ABCA1: variants seen among roughly 807,000 people sequenced by gnomAD.
The protein encoded by ABCA1 is phospholipid-transporting ATPase ABCA1.
ABCA1 carries 133 observed loss-of-function variants against 262.5 expected under a neutral mutation model. The ratio of observed to expected loss-of-function variants is 0.51; its 90% CI spans 0.44 to 0.59. ABCA1 has a LOEUF of 0.59. Among genes scored for constraint, ABCA1 ranks in the 20% least tolerant of loss-of-function variants. ABCA1 has a pLI of 0.00. For missense variants in ABCA1, 2,452 were observed against 2,777.5 expected (o/e 0.88, Z 2.63); for synonymous variants, 1,022 against 1,043.5 (o/e 0.98, Z 0.40).
chr9:104,846,492 G>A (rs577749168), intron 7 of ABCA1, among the ~76,000 whole-genome samples: 14 of 152,346 alleles, frequency 9.2e-5, no homozygotes, highest in African/African-American at 3.4e-4. Flanking sequence ...AGAGACTGCT[G>A]TGAAATTATA....
chr9:104,906,348 C>A (rs1318995820), intron 1 of ABCA1, among the ~76,000 whole-genome samples: 2 of 152,142 alleles, frequency 1.3e-5, no homozygotes. Context: ...CTCTACACAA[C>A]GTTCATGAGA....
chr9:104,804,477 T>G, intron 32 of ABCA1, 149 bp downstream of exon 32: 1 of 724,418 alleles, frequency 1.4e-6, no homozygotes. Flanking sequence ...CGTCATCTTT[T>G]CTAGTTTGGG....
chr9:104,911,893 T>A (rs1841519547), intron 1 of ABCA1, among the ~76,000 whole-genome samples: 1 of 152,190 alleles, frequency 6.6e-6, no homozygotes, highest in Non-Finnish European at 1.5e-5. Context: ...CCAGAGGAAT[T>A]CTATCATTCT....
intron 6 of ABCA1, among the ~76,000 whole-genome samples, chr9:104,860,398 A>G (rs1836261282): frequency 6.6e-6 from 1 of 152,236 alleles, no homozygotes; most frequent in Admixed American, 6.5e-5. Flanking sequence ...ATTGGTAAAC[A>G]CAAGGCATAT....
In ABCA1 at chr9:104,817,341, G is replaced by C. The variant is rs771515027; in HGVS notation, c.3526C>G (p.Leu1176Val). Residue 1176 changes from leucine to valine, a missense_variant, in exon 24 of 50, where the codon CTG becomes GTG. Physicochemically the swap from Leu to Val is conservative, Grantham distance 32. This residue lies in a region of ABCA1 where 665 missense variants were observed against 727.3 expected (regional missense o/e 0.91). Coordinates refer to ENST00000374736, the MANE Select transcript of ABCA1 (RefSeq NM_005502.4). This position sits in a 1 kb window ranked among gnomAD's most constrained non-coding sequence, Gnocchi z 4.7. ...GLGSDHESDT[L>V]TIDVSAISNL... ...ACCCCAGAGTCCTTACCGATGGTCA[G>C]CGTGTCACTCTCATGGTCGCTGCCC... The C allele has an allele frequency of 1.2e-5, 20 of 1,614,030 alleles. No individual in the cohort carries two copies. In the Admixed American group the frequency reaches 3.3e-4, roughly 27 times the overall value.
intron 2 of ABCA1, among the ~76,000 whole-genome samples, chr9:104,896,355 G>A (rs887996703): frequency 4.6e-5 from 7 of 152,182 alleles, no homozygotes; most frequent in African/African-American, 1.4e-4. Context: ...CCACAGAACT[G>A]TAGTAGGATA....
chr9:104,812,188 T>C (rs562353700), intron 28 of ABCA1, among the ~76,000 whole-genome samples: 1 of 152,332 alleles, frequency 6.6e-6, no homozygotes, highest in South Asian at 2.1e-4. Context: ...TCTCATGTTA[T>C]GACAGCTGAA....
chr9:104,853,863 G>C (rs1835599890), intron 7 of ABCA1, among the ~76,000 whole-genome samples: 1 of 152,178 alleles, frequency 6.6e-6, no homozygotes, highest in Non-Finnish European at 1.5e-5. Flanking sequence ...AATCAAGAAA[G>C]CTACAGCAGA....
chr9:104,871,815 A>G (rs1236684231), intron 5 of ABCA1, among the ~76,000 whole-genome samples: 1 of 152,158 alleles, frequency 6.6e-6, no homozygotes, highest in Admixed American at 6.5e-5. Context: ...AGAGAAAAAG[A>G]AAAGAGAGTT....
At chr9:104,887,703 A>G (rs7043581) in intron 3 of ABCA1, among the ~76,000 whole-genome samples, 23,177 of 149,566 alleles carry the variant, frequency 0.15, 2,263 homozygotes, top group African/African-American at 0.27. Context: ...TATAAATTGC[A>G]TATAAATTTC....
chr9:104,851,205 G>T (rs1349852654), intron 7 of ABCA1, among the ~76,000 whole-genome samples: 1 of 152,130 alleles, frequency 6.6e-6, no homozygotes, highest in East Asian at 1.9e-4. Flanking sequence ...CATGAACTTA[G>T]TTCTGCTCCA....
chr9:104,837,204 A>C (rs1030671780), intron 10 of ABCA1, 108 bp from the exon 11 acceptor site: 13 of 1,066,602 alleles, frequency 1.2e-5, no homozygotes, highest in Non-Finnish European at 1.7e-5. Context: ...GCCCTGTGCC[A>C]GTCCTCCCCA....
intron 40 of ABCA1, 150 bp downstream of exon 40, chr9:104,794,237 G>A: frequency 8.3e-7 from 1 of 1,204,462 alleles, no homozygotes. Flanking sequence ...ACAACCAGCT[G>A]TGTTGGCATG....
chr9:104,836,149 C>T (rs1272689062), intron 11 of ABCA1, among the ~76,000 whole-genome samples: 1 of 152,194 alleles, frequency 6.6e-6, no homozygotes, highest in African/African-American at 2.4e-5. Context: ...AAAGGGACTT[C>T]CTCAGTAACC....
intron 13 of ABCA1, 51 bp from the exon 14 acceptor site, chr9:104,831,152 A>T (rs776166826): frequency 3.0e-5 from 28 of 937,222 alleles, no homozygotes; most frequent in Non-Finnish European, 3.8e-5. Flanking sequence ...CATACAATAA[A>T]AAAAAAAAAA....
At chr9:104,833,319 C>T (rs1588343314) in intron 11 of ABCA1, among the ~76,000 whole-genome samples, 1 of 152,072 alleles carries the variant, frequency 6.6e-6, no homozygotes, top group South Asian at 2.1e-4. Flanking sequence ...GTAGCTAAGA[C>T]TACAGGTGCA....
intron 2 of ABCA1, 111 bp downstream of exon 2, chr9:104,903,503 C>T: frequency 8.8e-7 from 1 of 1,138,622 alleles, no homozygotes; most frequent in Non-Finnish European, 1.3e-6. Flanking sequence ...CCATCAATCC[C>T]TGTGTGAAAA....
chr9:104,786,257 C>T (rs746421156), intron 48 of ABCA1, 41 bp downstream of exon 48: 22 of 1,478,458 alleles, frequency 1.5e-5, no homozygotes, highest in Non-Finnish European at 2.0e-5. Context: ...AATATCAAGC[C>T]TTCTCACTAG....
At chr9:104,894,187 C>G (rs1014778575) in intron 2 of ABCA1, among the ~76,000 whole-genome samples, 2 of 152,150 alleles carry the variant, frequency 1.3e-5, no homozygotes, top group African/African-American at 4.8e-5. Flanking sequence ...TAAAAGAAAC[C>G]TAGCACTTGC....
Sources: allele counts gnomAD v4.1 joint callset (sites outside exome capture counted in the v4.1 genomes callset), GRCh38; gene constraint gnomAD v4.1.1; regional missense constraint gnomAD v4.1.1; non-coding constraint Gnocchi (gnomAD v3.1); transcripts MANE v1.5; gene names NCBI Gene and HGNC (gene_info 2026-07-23, HGNC 2026-07-21).